Variants in MMAA observed in about 807,000 individuals in gnomAD.
The protein encoded by MMAA is methylmalonic aciduria type A protein, mitochondrial.
MMAA carries 41 observed loss-of-function variants against 45.0 expected under a neutral mutation model. The observed-to-expected ratio is 0.91, with a 90% confidence interval of 0.71 to 1.18. The LOEUF is 1.18. Among genes scored for constraint, MMAA ranks in the 50% most tolerant of loss-of-function variants. The pLI, the probability that MMAA is intolerant of heterozygous loss-of-function variation, is 0.00. For missense variants in MMAA, 460 were observed against 495.7 expected (o/e 0.93, Z 0.68); for synonymous variants, 154 against 178.2 (o/e 0.86, Z 1.08).
rs1018915498 is a variant in MMAA at position 145,646,035 on chromosome 4, G to T, written c.612G>T (p.Met204Ile). 1.2e-6 allele frequency: 2 copies of T among 1,614,078 alleles called. No homozygotes were observed. Among genetic ancestry groups the T allele is most frequent in the Non-Finnish European group, 1.7e-6 (2 of 1,179,978 alleles). The change falls in exon 4 of 7, where the codon ATG becomes ATT. Residue 204 changes from methionine (M) to isoleucine (I), a missense_variant. Coordinates refer to ENST00000649156, the MANE Select transcript of MMAA (RefSeq NM_172250.3). ...KTRMTELSRD[M>I]NAYIRPSPTR... ...GAATGACTGAGTTATCAAGAGATAT[G>T]AATGCATACATCAGGCCATCTCCTA... is the stretch of plus-strand genomic sequence containing the variant.
chr4:145,644,414 G>C (rs1045792953), intron 3 of MMAA, among the ~76,000 whole-genome samples: 1 of 152,164 alleles, frequency 6.6e-6, no homozygotes, highest in Non-Finnish European at 1.5e-5. Flanking sequence ...GCATTTAGTG[G>C]TAAAAGAGCA....
At chr4:145,651,427 T>TGGC (rs1360385595) in intron 5 of MMAA, among the ~76,000 whole-genome samples, 4 of 152,188 alleles carry the variant, frequency 2.6e-5, no homozygotes, top group Non-Finnish European at 4.4e-5. Context: ...GTAGAGACCA[T>TGGC]TGTTGCATAG....
intron 3 of MMAA, among the ~76,000 whole-genome samples, chr4:145,643,788 C>T (rs2126621090): frequency 6.6e-6 from 1 of 152,092 alleles, no homozygotes; most frequent in East Asian, 1.9e-4. Flanking sequence ...GGCCATTCCC[C>T]CATTTTCACA....
intron 1 of MMAA, among the ~76,000 whole-genome samples, chr4:145,622,992 C>T (rs1478164667): frequency 1.3e-5 from 2 of 152,184 alleles, no homozygotes; most frequent in Non-Finnish European, 2.9e-5. Context: ...GTCTGGAAAG[C>T]AGCAAATATA....
intron 1 of MMAA, chr4:145,624,353 G>A: frequency 1.3e-6 from 1 of 783,110 alleles, no homozygotes; most frequent in South Asian, 1.4e-5. Context: ...AGGATAGCTG[G>A]CTGAGGTTGC....
intron 1 of MMAA, chr4:145,625,807 T>C: frequency 8.7e-7 from 1 of 1,152,242 alleles, no homozygotes; most frequent in Non-Finnish European, 1.3e-6. Context: ...AGCTGATAGA[T>C]GAGGTCCACC....
intron 1 of MMAA, chr4:145,624,873 C>G: frequency 6.2e-7 from 1 of 1,608,832 alleles, no homozygotes. Flanking sequence ...TGTAACCATG[C>G]TGGGGGTGTA....
At chr4:145,636,098 A>G (rs1252732250) in intron 1 of MMAA, among the ~76,000 whole-genome samples, 1 of 152,262 alleles carries the variant, frequency 6.6e-6, no homozygotes, top group Non-Finnish European at 1.5e-5. Flanking sequence ...AATATCTGAA[A>G]GTGGCTGGTA....
At chr4:145,648,337 G>A (rs879893918) in intron 4 of MMAA, among the ~76,000 whole-genome samples, 77 of 150,710 alleles carry the variant, frequency 5.1e-4, no homozygotes, top group African/African-American at 7.6e-4. Context: ...TAGTAGAGAC[G>A]GGGTTTCACC....
intron 1 of MMAA, among the ~76,000 whole-genome samples, chr4:145,631,853 C>G (rs764265794): frequency 6.6e-6 from 1 of 152,062 alleles, no homozygotes; most frequent in Non-Finnish European, 1.5e-5. Context: ...ATCTTACTAT[C>G]TTGTCACCCA....
intron 1 of MMAA, among the ~76,000 whole-genome samples, chr4:145,638,311 G>A (rs1268751554): frequency 6.6e-6 from 1 of 152,196 alleles, no homozygotes; most frequent in Non-Finnish European, 1.5e-5. Context: ...GGAGCTTGCA[G>A]TGAGCCGAGA....
At chr4:145,653,230 G>A (rs1457405990) in intron 5 of MMAA, among the ~76,000 whole-genome samples, 3 of 152,124 alleles carry the variant, frequency 2.0e-5, no homozygotes, top group African/African-American at 7.2e-5. Context: ...CTAAAACATA[G>A]TGATTGCAGA....
At chr4:145,643,452 T>C (rs1727842287) in intron 3 of MMAA, among the ~76,000 whole-genome samples, 1 of 152,234 alleles carries the variant, frequency 6.6e-6, no homozygotes, top group African/African-American at 2.4e-5. Flanking sequence ...TTTTGCATAC[T>C]GTGTTATAAT....
chr4:145,652,025 G>A (rs1043341334), intron 5 of MMAA, among the ~76,000 whole-genome samples: 23 of 151,890 alleles, frequency 1.5e-4, no homozygotes, highest in African/African-American at 5.6e-4. Flanking sequence ...CGTGGCCTGG[G>A]GGTTGGGGAC....
chr4:145,655,315 A>G lies in MMAA; in HGVS notation c.1138A>G (p.Arg380Gly). 1 of 1,614,210 alleles carries G rather than the reference A, an allele frequency of 6.2e-7. No homozygotes were observed. Among genetic ancestry groups the G allele is most frequent in the Non-Finnish European group, 8.5e-7 (1 of 1,180,038 alleles). The change falls in exon 7 of 7, where the codon AGG (arginine) becomes GGG (glycine). Residue 380 changes from arginine (R) to glycine (G), a missense_variant. By Grantham distance (125) the Arg-to-Gly change is moderately radical. Transcript: ENST00000649156. ...TCAGGAAAGTGTGTTAGAGCATTTC[A>G]GGACCCACCCCACAGTCCGGGAACA... ...LIQESVLEHF[R>G]THPTVREQIP...
At chr4:145,636,372 T>A (rs1175502521) in intron 1 of MMAA, among the ~76,000 whole-genome samples, 2 of 152,220 alleles carry the variant, frequency 1.3e-5, no homozygotes, top group Admixed American at 1.3e-4. Flanking sequence ...GTCTCATCAC[T>A]CTTGACTTCG....
intron 1 of MMAA, among the ~76,000 whole-genome samples, chr4:145,637,512 T>C (rs1416895394): frequency 2.0e-5 from 3 of 152,122 alleles, no homozygotes; most frequent in Non-Finnish European, 4.4e-5. Flanking sequence ...CTTATAGTTC[T>C]ACCAGTTTAA....
In MMAA at chr4:145,654,238, T is replaced by G. The variant is rs993267869; in HGVS notation, c.969+95T>G. 7.1e-6 allele frequency: 10 copies of G among 1,415,904 alleles called. No homozygotes were observed. In the East Asian group the frequency reaches 2.3e-4, roughly 32 times the overall value. 87.7% of individuals were successfully genotyped at this position (1,415,904 alleles called of 1,614,324 possible). On this transcript the variant is annotated intron_variant, in intron 6 of 6. Transcript: ENST00000649156. ...CCCAAACTAGACATATAATCAATCT[T>G]GCTTCTATGTGAAGATGATAGTTTT...
At chr4:145,649,109 C>T (rs151169214) in intron 4 of MMAA, among the ~76,000 whole-genome samples, 81 of 137,572 alleles carry the variant, frequency 5.9e-4, no homozygotes, top group African/African-American at 2.0e-3. Context: ...GGCAACATAG[C>T]AAGCCTTGGT....
Sources: gnomAD v4.1 joint callset for allele counts (sites outside exome capture counted in the v4.1 genomes callset) on GRCh38, gnomAD v4.1.1 for gene constraint, MANE v1.5 for transcripts, NCBI Gene and HGNC (gene_info 2026-07-23, HGNC 2026-07-21) for gene names.